Variants in WWOX observed in about 807,000 individuals in gnomAD.
The protein encoded by WWOX is WW domain-containing oxidoreductase.
A neutral mutation model predicts 46.2 loss-of-function variants in WWOX; 69 were observed. That is an observed-to-expected ratio of 1.49 (90% CI 1.23 to 1.82). The LOEUF (loss-of-function observed/expected upper bound fraction) is 1.82, where lower values mean the gene tolerates loss of function less well. Among genes scored for constraint, WWOX ranks in the 40% most tolerant of loss-of-function variants. The probability of loss-of-function intolerance (pLI) is 0.00; values close to 1 mark genes in which losing one functional copy is unlikely to be tolerated. For synonymous variants in WWOX, 359 were observed against 202.6 expected (o/e 1.77, Z -6.56); for missense variants, 919 against 542.6 (o/e 1.69, Z -6.89).
chr16:78,384,815 T>G (rs2151932358), intron 5 of WWOX, among the ~76,000 whole-genome samples: 1 of 152,254 alleles, frequency 6.6e-6, no homozygotes, highest in East Asian at 1.9e-4. Context: ...GGACATAATT[T>G]CATCACTTTC....
chr16:78,639,786 G>A (rs1418964872), intron 8 of WWOX, among the ~76,000 whole-genome samples: 2 of 152,062 alleles, frequency 1.3e-5, no homozygotes, highest in East Asian at 3.9e-4. Flanking sequence ...GGCTGGTCTT[G>A]AACTCCTGAC....
chr16:79,211,528 A>T, intron 8 of WWOX, 80 bp from the exon 9 acceptor site: 1 of 1,591,356 alleles, frequency 6.3e-7, no homozygotes, highest in Non-Finnish European at 8.6e-7. Flanking sequence ...AGGCCTGCTA[A>T]TGCCCAGGCA....
chr16:78,193,831 A>T (rs59252795), intron 5 of WWOX, among the ~76,000 whole-genome samples: 18,792 of 150,128 alleles, frequency 0.13, 1,584 homozygotes, highest in African/African-American at 0.24. Flanking sequence ...TATTATTATT[A>T]TTATTATTTT....
At chr16:78,263,625 A>G (rs12921633) in intron 5 of WWOX, among the ~76,000 whole-genome samples, 1 of 133,206 alleles carries the variant, frequency 7.5e-6, no homozygotes, top group African/African-American at 3.0e-5. Context: ...AACAGAGAGA[A>G]AGAGAGAGAG....
At chr16:78,717,065 G>T (rs781469877) in intron 8 of WWOX, among the ~76,000 whole-genome samples, 14 of 152,176 alleles carry the variant, frequency 9.2e-5, no homozygotes, top group Non-Finnish European at 1.5e-4. Context: ...GTTTAAAAGG[G>T]TAAATGGCTT....
chr16:78,960,689 C>A (rs779532569), intron 8 of WWOX, among the ~76,000 whole-genome samples: 1 of 152,180 alleles, frequency 6.6e-6, no homozygotes, highest in Non-Finnish European at 1.5e-5. Context: ...GGTCCCTGTG[C>A]CATCAGCTAC....
intron 5 of WWOX, among the ~76,000 whole-genome samples, chr16:78,166,165 C>CT (rs950636134): frequency 1.3e-3 from 192 of 145,888 alleles, no homozygotes; most frequent in Non-Finnish European, 1.9e-3. Flanking sequence ...CTGTTCTGTA[C>CT]TTTTTTTTTT....
chr16:78,429,709 G>C (rs753829216), intron 7 of WWOX, among the ~76,000 whole-genome samples: 1 of 152,154 alleles, frequency 6.6e-6, no homozygotes, highest in Admixed American at 6.5e-5. Context: ...CACCTCTTCT[G>C]TAATACCTTA....
chr16:78,223,025 G>A (rs747201371), intron 5 of WWOX, among the ~76,000 whole-genome samples: 43 of 152,176 alleles, frequency 2.8e-4, no homozygotes, highest in African/African-American at 9.4e-4. Context: ...AGTCTCAGGA[G>A]ATTCTGGTTG....
At chr16:78,459,097 A>G (rs1218804775) in intron 8 of WWOX, among the ~76,000 whole-genome samples, 2 of 152,202 alleles carry the variant, frequency 1.3e-5, no homozygotes, top group Admixed American at 6.5e-5. Flanking sequence ...ACTGATCCGC[A>G]AGGGCCTTCT....
chr16:78,874,460 G>C (rs960814019), intron 8 of WWOX, among the ~76,000 whole-genome samples: 2 of 151,950 alleles, frequency 1.3e-5, no homozygotes. Flanking sequence ...CAACTGGGTC[G>C]ATTTCAAAAA....
intron 8 of WWOX, among the ~76,000 whole-genome samples, chr16:78,723,486 C>G (rs775136928): frequency 2.4e-5 from 3 of 124,586 alleles, no homozygotes; most frequent in African/African-American, 9.7e-5. Flanking sequence ...CTGCATGTTT[C>G]TCTCTTTCCA....
At chr16:78,850,944 G>A (rs2052427887) in intron 8 of WWOX, among the ~76,000 whole-genome samples, 1 of 152,208 alleles carries the variant, frequency 6.6e-6, no homozygotes, top group African/African-American at 2.4e-5. Flanking sequence ...TGGCAGTCGG[G>A]AGTGTGCCAA....
intron 8 of WWOX, among the ~76,000 whole-genome samples, chr16:78,954,316 G>A (rs2046121885): frequency 6.6e-6 from 1 of 151,878 alleles, no homozygotes; most frequent in Non-Finnish European, 1.5e-5. Context: ...TGGATAGAAG[G>A]TGGATGGATG....
At chr16:78,447,064 G>T (rs1221569035) in intron 8 of WWOX, among the ~76,000 whole-genome samples, 2 of 152,134 alleles carry the variant, frequency 1.3e-5, no homozygotes, top group African/African-American at 4.8e-5. Context: ...ACTCTGTCCT[G>T]TCCAGTGCCT....
chr16:79,115,269 C>T (rs879462311), intron 8 of WWOX, among the ~76,000 whole-genome samples: 2 of 152,204 alleles, frequency 1.3e-5, no homozygotes, highest in South Asian at 2.1e-4. Context: ...CATAGGGATG[C>T]ATGTAGCCTG....
intron 5 of WWOX, among the ~76,000 whole-genome samples, chr16:78,327,486 G>T (rs2080651309): frequency 6.6e-6 from 1 of 152,130 alleles, no homozygotes; most frequent in African/African-American, 2.4e-5. Context: ...GCTTCTGTGA[G>T]AATGAAGCTC....
chr16:78,907,741 C>T (rs1444599631), intron 8 of WWOX, among the ~76,000 whole-genome samples: 1 of 152,100 alleles, frequency 6.6e-6, no homozygotes, highest in African/African-American at 2.4e-5. Context: ...TTAGATGGGG[C>T]CAGGAGGGTT....
chr16:78,635,552 A>G (rs1223549364), intron 8 of WWOX, among the ~76,000 whole-genome samples: 1 of 152,148 alleles, frequency 6.6e-6, no homozygotes, highest in Non-Finnish European at 1.5e-5. Context: ...CAAGTTGCTC[A>G]TCCTCTCTGC....
Sources: gnomAD v4.1 joint callset for allele counts (sites outside exome capture counted in the v4.1 genomes callset) on GRCh38, gnomAD v4.1.1 for gene constraint, MANE v1.5 for transcripts, NCBI Gene and HGNC (gene_info 2026-07-23, HGNC 2026-07-21) for gene names.